Variants in IGFBP6 observed in about 807,000 individuals in gnomAD.
IGFBP6 encodes the protein insulin like growth factor binding protein 6.
IGFBP6 carries 24 observed loss-of-function variants against 24.5 expected under a neutral mutation model. The ratio of observed to expected loss-of-function variants is 0.98; its 90% CI spans 0.71 to 1.38. The LOEUF is 1.38. IGFBP6 is among the 40% of genes most tolerant of loss of function. The probability of loss-of-function intolerance (pLI) is 0.00; values close to 1 mark genes in which losing one functional copy is unlikely to be tolerated. For synonymous variants in IGFBP6, 147 were observed against 137.4 expected (o/e 1.07, Z -0.49); for missense variants, 331 against 324.8 (o/e 1.02, Z -0.15).
rs372017685 is a variant in IGFBP6, at chr12:53,100,833, T to C, written c.456T>C (p.Ser152=). The change falls in exon 2 of 4, where the codon TCT becomes TCC. Residue 152 remains serine, a synonymous_variant. Transcript: ENST00000301464. ...GTSTTPSQPN[S]AGVQDTEMGP... is the part of the protein sequence containing the mutation. ...CTACCACGCCCTCCCAGCCCAATTC[T>C]GCGGGTGTCCAAGACACTGAGATGG... The C allele has an allele frequency of 3.0e-5, 48 of 1,614,062 alleles. No individual in the cohort carries two copies. Among genetic ancestry groups the C allele is most frequent in the Non-Finnish European group, 4.0e-5 (47 of 1,180,040 alleles).
chr12:53,101,887 A>G (rs1937833498), intron 3 of IGFBP6, among the ~76,000 whole-genome samples, 158 bp from the exon 4 acceptor site: 1 of 132,258 alleles, frequency 7.6e-6, no homozygotes. Context: ...CGACAGAGCG[A>G]GACTCCATCT....
chr12:53,097,727 C>T lies in IGFBP6; in HGVS notation c.10C>T (p.His4Tyr), dbSNP rs112479506. 1.6e-4 allele frequency: 254 copies of T among 1,545,064 alleles called. No individual in the cohort carries two copies. Among genetic ancestry groups the T allele is most frequent in the Non-Finnish European group, 2.1e-4 (245 of 1,146,494 alleles). Residue 4 changes from histidine (H) to tyrosine (Y), a missense_variant, in exon 1 of 4, where the codon CAC (histidine) becomes TAC (tyrosine). Coordinates refer to ENST00000301464, the MANE Select transcript of IGFBP6 (RefSeq NM_002178.3). MTP[H>Y]RLLPPLLLLL... ...GGCACAAACCCTGACCATGACCCCC[C>T]ACAGGCTGCTGCCACCGCTGCTGCT...
intron 1 of IGFBP6, chr12:53,098,909 C>T: frequency 6.5e-6 from 1 of 153,400 alleles, no homozygotes; most frequent in East Asian, 1.9e-4. Flanking sequence ...CTTGGAGTTT[C>T]TTTCAGTTCC....
chr12:53,098,176 T>TG (rs1327966121), intron 1 of IGFBP6, 125 bp downstream of exon 1: 44 of 1,146,708 alleles, frequency 3.8e-5, no homozygotes, highest in Middle Eastern at 3.1e-4. Flanking sequence ...CTTCCGACTT[T>TG]GGGGGGCACA....
Position 53,102,144 on chromosome 12 carries a change from T to TGGGAGTA in IGFBP6, c.701_702insGGAGTAG (p.Cys234TrpfsTer3). On this transcript the variant is annotated stop_gained and frameshift_variant, in exon 4 of 4. Transcript: ENST00000301464. LOFTEE classifies it high-confidence loss of function. ...TCCAGATGGCAATGGAAGCTCCTCC[T>TGGGAGTA]GCCCCACTGGGAGTAGCGGCTAAAG... The TGGGAGTA allele has an allele frequency of 6.2e-7, 1 of 1,614,006 alleles. No homozygotes were observed. Among genetic ancestry groups the TGGGAGTA allele is most frequent in the Non-Finnish European group, 8.5e-7 (1 of 1,179,988 alleles).
At chr12:53,101,972 CTCAGAT>C in intron 3 of IGFBP6, 67 bp from the exon 4 acceptor site, 1 of 1,321,752 alleles carries the variant, frequency 7.6e-7, no homozygotes, top group East Asian at 2.9e-5. Context: ...CATCCTCAGA[CTCAGAT>C]GTCCCCTCTC....
At position 53,102,262 on chromosome 12, in the gene IGFBP6, C is replaced by T. The variant is rs76905434; in HGVS notation, c.*95C>T. On this transcript the variant is annotated 3_prime_UTR_variant, in exon 4 of 4. Transcript: ENST00000301464. ...GAGGCCCTCAATCCACCTTCAGGCC[C>T]CGCCCCATGGGCCCCTCACCGCTGG... The T allele has an allele frequency of 2.2e-5, 31 of 1,424,492 alleles. No homozygotes were observed. In the African/African-American group the frequency reaches 4.2e-4, roughly 20 times the overall value. The allele number at this position is 1,424,492 out of a possible 1,614,324, so 88.2% of individuals were successfully genotyped here.
chr12:53,101,942 G>C (rs368453128), intron 3 of IGFBP6, 103 bp from the exon 4 acceptor site: 1 of 959,152 alleles, frequency 1.0e-6, no homozygotes. Context: ...AACCCCCGAG[G>C]AGACGCTCAG....
At chr12:53,100,618 TC>T in intron 1 of IGFBP6, 93 bp from the exon 2 acceptor site, 4 of 1,260,116 alleles carry the variant, frequency 3.2e-6, no homozygotes, top group Non-Finnish European at 4.6e-6. Context: ...CATAAGGCCC[TC>T]CCTTCCTTAC....
intron 2 of IGFBP6, 45 bp downstream of exon 2, chr12:53,100,902 G>A: frequency 6.2e-7 from 1 of 1,611,746 alleles, no homozygotes; most frequent in Non-Finnish European, 8.5e-7. Flanking sequence ...GGAAGCCCTG[G>A]AGACTTCCAT....
intron 3 of IGFBP6, among the ~76,000 whole-genome samples, chr12:53,101,626 G>A (rs1213585101): frequency 6.6e-6 from 1 of 152,318 alleles, no homozygotes; most frequent in South Asian, 2.1e-4. Context: ...TGGGCCGGGT[G>A]CGGTGTCTCA....
intron 1 of IGFBP6, 43 bp from the exon 2 acceptor site, chr12:53,100,669 T>TTGCC: frequency 6.2e-7 from 1 of 1,609,704 alleles, no homozygotes; most frequent in Non-Finnish European, 8.5e-7. Flanking sequence ...TCCACATGGC[T>TTGCC]CTGCCTGATT....
At position 53,102,333 on chromosome 12, in the gene IGFBP6, T is replaced by C; in HGVS notation, c.*166T>C. On this transcript the variant is annotated 3_prime_UTR_variant, in exon 4 of 4. Transcript: ENST00000301464. ...GGCTGGGGTGTCAATAAAGCTGTGC[T>C]TGGGGTCGCTGGCTTGTGTCTCTGT... is the stretch of plus-strand genomic sequence containing the variant. 1.4e-6 allele frequency: 1 copy of C among 710,864 alleles called. No homozygotes were observed. Among genetic ancestry groups the C allele is most frequent in the Non-Finnish European group, 2.3e-6 (1 of 444,252 alleles). 44.0% of individuals were successfully genotyped at this position (710,864 alleles called of 1,614,324 possible).
Position 53,101,117 on chromosome 12 carries a change from A to T in IGFBP6, c.557A>T (p.Tyr186Phe). Reference sequence around the variant, plus strand: ...GTCTACCGAGGGGCTCAAACACTCTACGTGCCCAATTGTGACCATCGAGGC... The same window carrying T: ...GTCTACCGAGGGGCTCAAACACTCTTCGTGCCCAATTGTGACCATCGAGGC... ...TEVYRGAQTLYVPNCDHRGFY... is the reference protein window; with the variant it reads ...TEVYRGAQTLFVPNCDHRGFY... Residue 186 changes from tyrosine (Y) to phenylalanine (F), a missense_variant, in exon 3 of 4, where the codon TAC becomes TTC. Tyr to Phe is a conservative substitution (Grantham distance 22, BLOSUM62 3). Transcript: ENST00000301464. The T allele has an allele frequency of 6.2e-7, 1 of 1,614,232 alleles. No homozygotes were observed. Among genetic ancestry groups the T allele is most frequent in the Non-Finnish European group, 8.5e-7 (1 of 1,180,034 alleles).
At chr12:53,099,059 G>A in intron 1 of IGFBP6, 1 of 227,686 alleles carries the variant, frequency 4.4e-6, no homozygotes. Context: ...GCATCCTGAG[G>A]AAGAAGGATC....
intron 2 of IGFBP6, 39 bp downstream of exon 2, chr12:53,100,896 G>A (rs759229268): frequency 4.3e-6 from 7 of 1,612,514 alleles, no homozygotes; most frequent in Non-Finnish European, 5.9e-6. Context: ...GGGGTGGGAA[G>A]CCCTGGAGAC....
chr12:53,102,337 G>T lies in IGFBP6; in HGVS notation c.*170G>T. ...GGGGTGTCAATAAAGCTGTGCTTGG[G>T]GTCGCTGGCTTGTGTCTCTGTGTCT... On this transcript the variant is annotated 3_prime_UTR_variant, in exon 4 of 4. Transcript: ENST00000301464. The T allele has an allele frequency of 1.4e-6, 1 of 690,580 alleles. No individual in the cohort carries two copies. The allele number at this position is 690,580 out of a possible 1,614,324, so 42.8% of individuals were successfully genotyped here. A position where few individuals can be genotyped will look rare whatever the true frequency, so the allele number is the denominator to read the frequency against.
chr12:53,099,136 A>C, intron 1 of IGFBP6: 1 of 292,604 alleles, frequency 3.4e-6, no homozygotes, highest in Non-Finnish European at 7.3e-6. Flanking sequence ...GCTTGTCTTT[A>C]GGCACAGAGG....
chr12:53,101,233 A>T, intron 3 of IGFBP6, 73 bp downstream of exon 3: 1 of 1,478,242 alleles, frequency 6.8e-7, no homozygotes, highest in Non-Finnish European at 9.4e-7. Flanking sequence ...TGCTGCTTAC[A>T]AAGCTGCATA....
Sources: gnomAD v4.1 joint callset for allele counts (sites outside exome capture counted in the v4.1 genomes callset) on GRCh38, gnomAD v4.1.1 for gene constraint, MANE v1.5 for transcripts, NCBI Gene and HGNC (gene_info 2026-07-23, HGNC 2026-07-21) for gene names.